Variants in TMX3 observed in about 807,000 individuals in gnomAD.
The protein encoded by TMX3 is protein disulfide-isomerase TMX3.
A neutral mutation model predicts 64.4 loss-of-function variants in TMX3; 40 were observed. The observed-to-expected ratio is 0.62, with a 90% CI of 0.48 to 0.81. The LOEUF (loss-of-function observed/expected upper bound fraction) is 0.81. Among genes scored for constraint, TMX3 ranks in the 30% least tolerant of loss-of-function variants. The pLI is 0.00. For missense variants in TMX3, 497 were observed against 534.5 expected (o/e 0.93, Z 0.69); for synonymous variants, 189 against 175.7 (o/e 1.08, Z -0.60).
chr18:68,709,093 C>G (rs1300742984), intron 4 of TMX3, among the ~76,000 whole-genome samples: 1 of 152,018 alleles, frequency 6.6e-6, no homozygotes, highest in Non-Finnish European at 1.5e-5. Flanking sequence ...TTTATATCTG[C>G]TGGATCATTC....
At chr18:68,708,938 G>A (rs1277533887) in intron 4 of TMX3, among the ~76,000 whole-genome samples, 1 of 152,132 alleles carries the variant, frequency 6.6e-6, no homozygotes, top group African/African-American at 2.4e-5. Context: ...AGCTACAAAA[G>A]TAGGACATGG....
rs576916778 is a variant in TMX3 at position 68,675,877 on chromosome 18, C to G, written c.*1056G>C. The G allele has an allele frequency of 6.6e-6, 1 of 151,926 alleles. No individual in the cohort carries two copies. Among genetic ancestry groups the G allele is most frequent in the African/African-American group, 2.4e-5 (1 of 41,366 alleles). The allele number at this position is 151,926 out of a possible 1,614,324, so 9.4% of individuals were successfully genotyped here. A position where few individuals can be genotyped will look rare whatever the true frequency, so the allele number is the denominator to read the frequency against. ...ACTGGCTGATCTCTTTTTTTTACACCGGATGTGACTTGTCACTGGACATGC... is the reference window on the plus strand; with the variant it reads ...ACTGGCTGATCTCTTTTTTTTACACGGGATGTGACTTGTCACTGGACATGC... On this transcript the variant is annotated 3_prime_UTR_variant, in exon 16 of 16. Transcript: ENST00000299608.
chr18:68,710,955 TA>T (rs1220781172), intron 3 of TMX3, among the ~76,000 whole-genome samples: 2 of 152,200 alleles, frequency 1.3e-5, no homozygotes, highest in Non-Finnish European at 1.5e-5. Flanking sequence ...GGTGAAACTT[TA>T]ATTTTGTCCA....
intron 2 of TMX3, among the ~76,000 whole-genome samples, chr18:68,712,085 G>C (rs1044828735): frequency 1.3e-5 from 2 of 152,124 alleles, no homozygotes; most frequent in Non-Finnish European, 1.5e-5. Context: ...AAAAATCCAG[G>C]GTCATTATCA....
intron 8 of TMX3, among the ~76,000 whole-genome samples, chr18:68,694,248 C>T (rs997049492): frequency 3.9e-5 from 6 of 152,200 alleles, no homozygotes; most frequent in African/African-American, 9.6e-5. Flanking sequence ...GACTTTGGGG[C>T]TCCCCAAGTC....
chr18:68,688,643 A>T (rs1168381935), intron 9 of TMX3: 1 of 152,230 alleles, frequency 6.6e-6, no homozygotes, highest in Admixed American at 6.5e-5. Context: ...CCATAAAATA[A>T]GTGATGCAAT....
chr18:68,711,839 T>G (rs749814209), intron 2 of TMX3, among the ~76,000 whole-genome samples: 5 of 152,124 alleles, frequency 3.3e-5, no homozygotes, highest in Non-Finnish European at 7.4e-5. Context: ...GATGGCTCAG[T>G]GTTCATAAAA....
intron 10 of TMX3, among the ~76,000 whole-genome samples, chr18:68,686,462 G>A (rs574215682): frequency 6.6e-6 from 1 of 152,256 alleles, no homozygotes; most frequent in Non-Finnish European, 1.5e-5. Context: ...TATAATCCCA[G>A]CACTTTAGGA....
chr18:68,698,111 T>C lies in TMX3; in HGVS notation c.393-80A>G, dbSNP rs879899213. The C allele has an allele frequency of 4.7e-5, 41 of 867,608 alleles. No individual in the cohort carries two copies. The Admixed American group carries it at 9.7e-4, about 21-fold the overall frequency. 53.7% of individuals were successfully genotyped at this position (867,608 alleles called of 1,614,324 possible). Reference sequence around the variant, plus strand: ...TTACTATTTATACTATAACTAATCATGTCTCAAGTTATTAAGTTTCAATAA... The same window carrying C: ...TTACTATTTATACTATAACTAATCACGTCTCAAGTTATTAAGTTTCAATAA... On this transcript the variant is annotated intron_variant, in intron 6 of 15. Transcript: ENST00000299608.
intron 13 of TMX3, among the ~76,000 whole-genome samples, chr18:68,681,865 A>C (rs1189545228): frequency 1.3e-5 from 2 of 152,118 alleles, no homozygotes; most frequent in East Asian, 1.9e-4. Context: ...AGACTAGCTT[A>C]TCTCTCTAGC....
intron 4 of TMX3, among the ~76,000 whole-genome samples, chr18:68,709,469 C>CT (rs1430333860): frequency 2.6e-5 from 4 of 152,156 alleles, no homozygotes; most frequent in Non-Finnish European, 5.9e-5. Flanking sequence ...CAATCTAACT[C>CT]TATTTATAAA....
rs1451704515 is a variant in TMX3 at position 68,675,413 on chromosome 18, GATAAA to G, written c.*1515_*1519del. ...TTATTAAATACTAAAAGAGTACATG[GATAAA>G]ATAAAACAATCACTAGTAATTCCTT... On this transcript the variant is annotated 3_prime_UTR_variant, in exon 16 of 16. Coordinates refer to ENST00000299608, the MANE Select transcript of TMX3 (RefSeq NM_019022.5). 3 of 152,028 alleles carry G rather than the reference GATAAA, an allele frequency of 2.0e-5. No homozygotes were observed. The highest frequency in any genetic ancestry group is 4.4e-5 in the Non-Finnish European group (3 of 67,992). 9.4% of individuals were successfully genotyped at this position (152,028 alleles called of 1,614,324 possible).
rs982981813 is a variant in TMX3 at position 68,703,552 on chromosome 18, C to A, written c.266-1762G>T. Among the ~76,000 whole-genome samples, 3 of 152,272 alleles carry A rather than the reference C, an allele frequency of 2.0e-5. No individual in the cohort carries two copies. In the East Asian group the frequency reaches 5.8e-4, roughly 29 times the overall value. On this transcript the variant is annotated intron_variant, in intron 4 of 15. Transcript: ENST00000299608. ...AGACAATGGAGATCTATCACCCAAC[C>A]CACATCCCTTGGCTTCTTGACAGTT...
intron 8 of TMX3, among the ~76,000 whole-genome samples, chr18:68,696,330 C>T (rs1193311033): frequency 6.6e-6 from 1 of 152,000 alleles, no homozygotes; most frequent in Admixed American, 6.6e-5. Flanking sequence ...TGCGCCACCA[C>T]ACCCAGCTAA....
intron 4 of TMX3, among the ~76,000 whole-genome samples, chr18:68,703,011 T>C (rs2030273616): frequency 1.3e-5 from 2 of 152,200 alleles, no homozygotes; most frequent in Admixed American, 1.3e-4. Flanking sequence ...AGGTCCTGCT[T>C]CTGAACAGAC....
intron 15 of TMX3, among the ~76,000 whole-genome samples, chr18:68,677,704 G>A (rs992885239): frequency 1.3e-5 from 2 of 152,066 alleles, no homozygotes; most frequent in Non-Finnish European, 1.5e-5. Flanking sequence ...TGTCTTCATA[G>A]CTCCCAGGAA....
chr18:68,687,815 G>A, intron 9 of TMX3, 50 bp from the exon 10 acceptor site: 1 of 1,404,874 alleles, frequency 7.1e-7, no homozygotes, highest in Non-Finnish European at 9.9e-7. Flanking sequence ...ATGAATTTAA[G>A]AGTTATAATA....
intron 9 of TMX3, chr18:68,689,165 C>T (rs889864634): frequency 1.3e-5 from 2 of 152,142 alleles, no homozygotes; most frequent in South Asian, 2.1e-4. Flanking sequence ...AAAGCCTTTG[C>T]TTTGTCTGAA....
At chr18:68,691,264 G>A in intron 9 of TMX3, 31 bp downstream of exon 9, 2 of 1,471,662 alleles carry the variant, frequency 1.4e-6, no homozygotes, top group African/African-American at 1.4e-5. Context: ...ATTTTAAAAT[G>A]TTTTACATGA....
Sources: allele counts gnomAD v4.1 joint callset (sites outside exome capture counted in the v4.1 genomes callset), GRCh38; gene constraint gnomAD v4.1.1; transcripts MANE v1.5; gene names NCBI Gene and HGNC (gene_info 2026-07-23, HGNC 2026-07-21).